MSRA: variants seen among roughly 807,000 people sequenced by gnomAD.
The protein encoded by MSRA is methionine sulfoxide reductase A, also known as mitochondrial peptide methionine sulfoxide reductase.
A neutral mutation model predicts 31.3 loss-of-function variants in MSRA; 54 were observed. That is an observed-to-expected ratio of 1.73 (90% CI 1.39 to 2.17). The LOEUF (loss-of-function observed/expected upper bound fraction) is 2.17. Among genes scored for constraint, MSRA ranks in the 30% most tolerant of loss-of-function variants. The pLI, the probability that MSRA is intolerant of heterozygous loss-of-function variation, is 0.00. For missense variants in MSRA, 507 were observed against 300.9 expected (o/e 1.69, Z -5.07); for synonymous variants, 169 against 116.5 (o/e 1.45, Z -2.90).
intron 1 of MSRA, among the ~76,000 whole-genome samples, chr8:10,183,574 C>T (rs1806737766): frequency 6.6e-6 from 1 of 152,266 alleles, no homozygotes; most frequent in Middle Eastern, 3.4e-3. Context: ...TATAGAAGTT[C>T]AGATTGTGGA....
At chr8:10,200,259 C>A (rs1254163547) in intron 1 of MSRA, among the ~76,000 whole-genome samples, 1 of 152,188 alleles carries the variant, frequency 6.6e-6, no homozygotes, top group South Asian at 2.1e-4. Context: ...TCCTGAATGA[C>A]ACCTGATTTG....
chr8:10,136,450 A>T (rs542841464), intron 1 of MSRA, among the ~76,000 whole-genome samples: 41 of 152,320 alleles, frequency 2.7e-4, no homozygotes, highest in African/African-American at 9.6e-4. Context: ...TACGCAAGAA[A>T]CAAGTCCCAG....
chr8:10,285,145 C>T (rs1322360963), intron 3 of MSRA, among the ~76,000 whole-genome samples: 2 of 152,032 alleles, frequency 1.3e-5, no homozygotes, highest in African/African-American at 4.8e-5. Flanking sequence ...CACCACCATC[C>T]ACTCCTCGAG....
intron 1 of MSRA, among the ~76,000 whole-genome samples, chr8:10,163,577 G>GATA (rs1804857994): frequency 6.6e-6 from 1 of 152,232 alleles, no homozygotes; most frequent in Admixed American, 6.5e-5. Flanking sequence ...CCCCACGCTG[G>GATA]AAAGTCAGAT....
chr8:10,179,965 T>G (rs1360957269), intron 1 of MSRA, among the ~76,000 whole-genome samples: 2 of 152,184 alleles, frequency 1.3e-5, no homozygotes, highest in Admixed American at 6.5e-5. Context: ...GTATAGATTT[T>G]CCACACCAAG....
rs777072361 is a variant in MSRA, at chr8:10,054,647, C to T, written c.131C>T (p.Thr44Ile). ...QEALPGRKEQTPVAAKHHVNG... is the reference protein window; with the variant it reads ...QEALPGRKEQIPVAAKHHVNG... ...GCCTTGCCGGGCCGGAAGGAACAGA[C>T]CCCTGTAGCGGGTAAGCACTGGCCA... The change falls in exon 1 of 6, where the codon ACC becomes ATC. Residue 44 changes from threonine to isoleucine, a missense_variant. Coordinates refer to ENST00000317173, the MANE Select transcript of MSRA (RefSeq NM_012331.5). 2 of 1,566,626 alleles carry T rather than the reference C, an allele frequency of 1.3e-6. No individual in the cohort carries two copies. Among genetic ancestry groups the T allele is most frequent in the Non-Finnish European group, 1.7e-6 (2 of 1,157,464 alleles).
At chr8:10,187,920 C>G (rs964684676) in intron 1 of MSRA, among the ~76,000 whole-genome samples, 18 of 152,268 alleles carry the variant, frequency 1.2e-4, no homozygotes, top group African/African-American at 4.1e-4. Flanking sequence ...TGAACAGGTT[C>G]CTGCCTCAGA....
At chr8:10,201,926 A>G (rs898180661) in intron 1 of MSRA, among the ~76,000 whole-genome samples, 1 of 152,226 alleles carries the variant, frequency 6.6e-6, no homozygotes, top group Admixed American at 6.5e-5. Context: ...TGTAGCAGAG[A>G]AGGGGCTGGG....
chr8:10,256,484 G>T (rs959560832), intron 3 of MSRA, among the ~76,000 whole-genome samples: 1 of 152,200 alleles, frequency 6.6e-6, no homozygotes, highest in Non-Finnish European at 1.5e-5. Context: ...ACTCTGGAGT[G>T]GGGGAGGCCT....
intron 5 of MSRA, among the ~76,000 whole-genome samples, chr8:10,403,291 C>A (rs1385938179): frequency 6.6e-6 from 1 of 152,146 alleles, no homozygotes; most frequent in Admixed American, 6.5e-5. Context: ...GAGTGATGTC[C>A]CAGGAGAAAA....
At chr8:10,077,534 G>T (rs921729730) in intron 1 of MSRA, among the ~76,000 whole-genome samples, 1 of 141,900 alleles carries the variant, frequency 7.0e-6, no homozygotes, top group African/African-American at 2.6e-5. Flanking sequence ...TGTTGCCCAG[G>T]CTGGTCTTCA....
chr8:10,067,282 C>T (rs1797502649), intron 1 of MSRA, among the ~76,000 whole-genome samples: 1 of 152,124 alleles, frequency 6.6e-6, no homozygotes, highest in African/African-American at 2.4e-5. Context: ...AGTATATAGC[C>T]TTTTCGGTTG....
intron 4 of MSRA, among the ~76,000 whole-genome samples, chr8:10,315,678 ATGT>A (rs780456452): frequency 3.3e-5 from 5 of 152,234 alleles, no homozygotes; most frequent in African/African-American, 1.2e-4. Flanking sequence ...CAATGTAAGC[ATGT>A]TGTAAATCTC....
intron 3 of MSRA, among the ~76,000 whole-genome samples, chr8:10,296,506 T>G (rs935584012): frequency 5.3e-5 from 8 of 152,216 alleles, no homozygotes; most frequent in African/African-American, 1.7e-4. Flanking sequence ...CAAAAAGGTA[T>G]TAAACTCTGT....
chr8:10,399,462 G>A lies in MSRA; in HGVS notation c.544-28686G>A, dbSNP rs78763371. Among the ~76,000 whole-genome samples the A allele has an allele frequency of 4.0e-3, 609 of 152,274 alleles. 5 individuals are homozygous for A. Among genetic ancestry groups the A allele is most frequent in the African/African-American group, 0.014 (582 of 41,546 alleles). ...GTGAGTTGCCAGTCAGTTAGTTCAC[G>A]TGAGGGTGTGGTGCCTCTCCGGTCT... is the stretch of plus-strand genomic sequence containing the variant. On this transcript the variant is annotated intron_variant, in intron 5 of 5. Transcript: ENST00000317173.
chr8:10,217,231 A>G (rs1009617836), intron 2 of MSRA, among the ~76,000 whole-genome samples: 8 of 152,222 alleles, frequency 5.3e-5, no homozygotes, highest in Non-Finnish European at 8.8e-5. Context: ...GGAGGACACT[A>G]TATGTACTAC....
intron 1 of MSRA, among the ~76,000 whole-genome samples, chr8:10,105,327 C>T (rs1327993749): frequency 2.0e-5 from 3 of 152,092 alleles, no homozygotes; most frequent in Non-Finnish European, 2.9e-5. Context: ...CCATGCTTTC[C>T]GATGAGGCAG....
Position 10,064,451 on chromosome 8 carries a change from A to G in MSRA, c.142+9793A>G, listed in dbSNP as rs564341855. Reference sequence around the variant, plus strand: ...CATCTGTAGTGTTTCTCAGCAGGGTATATTCCTAATCCACTAACTTGTTGA... The same window carrying G: ...CATCTGTAGTGTTTCTCAGCAGGGTGTATTCCTAATCCACTAACTTGTTGA... On this transcript the variant is annotated intron_variant, in intron 1 of 5. Coordinates refer to ENST00000317173, the MANE Select transcript of MSRA (RefSeq NM_012331.5). 2.0e-5 allele frequency among the ~76,000 whole-genome samples: 3 copies of G among 152,246 alleles called. No homozygotes were observed. The South Asian group carries it at 6.2e-4, about 32-fold the overall frequency.
intron 3 of MSRA, among the ~76,000 whole-genome samples, chr8:10,274,816 T>A (rs11249980): frequency 6.6e-6 from 1 of 151,444 alleles, no homozygotes; most frequent in Non-Finnish European, 1.5e-5. Context: ...TCCATCCATC[T>A]ACCCATCCAC....
Sources: allele counts gnomAD v4.1 joint callset (sites outside exome capture counted in the v4.1 genomes callset), GRCh38; gene constraint gnomAD v4.1.1; transcripts MANE v1.5; gene names NCBI Gene and HGNC (gene_info 2026-07-23, HGNC 2026-07-21).